COL24A1: variants seen among roughly 807,000 people sequenced by gnomAD.
COL24A1 encodes collagen alpha-1(XXIV) chain.
COL24A1 carries 224 observed loss-of-function variants against 253.9 expected under a neutral mutation model. The ratio of observed to expected loss-of-function variants is 0.88; its 90% CI spans 0.79 to 0.99. COL24A1 has a LOEUF of 0.99. Ranked by LOEUF, COL24A1 falls within the 50% of genes least tolerant of loss-of-function variation. The pLI, the probability that COL24A1 is intolerant of heterozygous loss-of-function variation, is 0.00. For missense variants in COL24A1, 2,131 were observed against 2,068.5 expected (o/e 1.03, Z -0.59); for synonymous variants, 685 against 673.7 (o/e 1.02, Z -0.26).
chr1:85,785,088 G>A (rs1339584694), intron 48 of COL24A1, among the ~76,000 whole-genome samples: 1 of 152,094 alleles, frequency 6.6e-6, no homozygotes, highest in Non-Finnish European at 1.5e-5. Context: ...ATCCAGAGAT[G>A]ATTCAGCTAT....
intron 47 of COL24A1, among the ~76,000 whole-genome samples, chr1:85,805,137 T>G (rs1433836140): frequency 1.3e-5 from 2 of 152,196 alleles, no homozygotes; most frequent in Non-Finnish European, 2.9e-5. Context: ...CCACTGCACC[T>G]GGGTGGCAAA....
chr1:85,997,752 G>A (rs1694980556), intron 19 of COL24A1, among the ~76,000 whole-genome samples: 1 of 140,390 alleles, frequency 7.1e-6, no homozygotes, highest in East Asian at 2.2e-4. Flanking sequence ...CTGCACTCCA[G>A]CCTGGCTACA....
chr1:86,126,811 T>A lies in COL24A1; in HGVS notation c.122-597A>T, dbSNP rs116872627. ...TTGTTTTCCATTTTACTGATTCTTA[T>A]TTGTCACTTCAATGAATATACATGT... On this transcript the variant is annotated intron_variant, in intron 2 of 59. Coordinates refer to ENST00000370571, the MANE Select transcript of COL24A1 (RefSeq NM_152890.7). Among the ~76,000 whole-genome samples, 1,373 of 152,242 alleles carry A rather than the reference T, an allele frequency of 9.0e-3. 23 individuals carry two copies. Among genetic ancestry groups the A allele is most frequent in the East Asian group, 0.074 (382 of 5,174 alleles).
chr1:85,817,089 A>T (rs1399126025), intron 46 of COL24A1, among the ~76,000 whole-genome samples, 194 bp from the exon 47 acceptor site: 1 of 152,176 alleles, frequency 6.6e-6, no homozygotes, highest in Non-Finnish European at 1.5e-5. Context: ...AAAAGCCTTT[A>T]AAAGTTCCCC....
At chr1:86,018,145 T>A (rs933572701) in intron 18 of COL24A1, among the ~76,000 whole-genome samples, 1 of 152,218 alleles carries the variant, frequency 6.6e-6, no homozygotes, top group Non-Finnish European at 1.5e-5. Context: ...ATATTAAGTT[T>A]CTATATGAGC....
intron 46 of COL24A1, among the ~76,000 whole-genome samples, chr1:85,817,404 G>C (rs919493780): frequency 2.6e-5 from 4 of 151,800 alleles, no homozygotes; most frequent in African/African-American, 9.7e-5. Flanking sequence ...CATATGCAAG[G>C]ATCTCTGATC....
chr1:86,124,750 T>C (rs1315084290), intron 3 of COL24A1, 95 bp downstream of exon 3: 1 of 911,980 alleles, frequency 1.1e-6, no homozygotes, highest in African/African-American at 1.7e-5. Context: ...TGTTATGTAT[T>C]GTTTGGTCCA....
At chr1:86,140,983 G>A (rs1056782211) in intron 2 of COL24A1, among the ~76,000 whole-genome samples, 3 of 152,136 alleles carry the variant, frequency 2.0e-5, no homozygotes, top group African/African-American at 7.2e-5. Context: ...TACTGAAACC[G>A]TGACAAATCA....
intron 3 of COL24A1, among the ~76,000 whole-genome samples, chr1:86,120,916 C>G (rs61802242): frequency 0.15 from 22,948 of 151,948 alleles, 1,896 homozygotes; most frequent in South Asian, 0.25. Flanking sequence ...TGATAGACTG[C>G]ATTAAGAAAA....
At chr1:86,056,577 C>T (rs573259717) in intron 10 of COL24A1, among the ~76,000 whole-genome samples, 137 of 152,086 alleles carry the variant, frequency 9.0e-4, no homozygotes, top group African/African-American at 3.2e-3. Context: ...CATGTTAGGC[C>T]GGGCCTGGTG....
At chr1:85,999,534 G>A (rs543588102) in intron 19 of COL24A1, among the ~76,000 whole-genome samples, 1 of 152,056 alleles carries the variant, frequency 6.6e-6, no homozygotes, top group South Asian at 2.1e-4. Context: ...GAGGTGGGAG[G>A]ACTGCTTGAG....
intron 22 of COL24A1, among the ~76,000 whole-genome samples, chr1:85,968,160 A>G (rs1378396252): frequency 1.3e-5 from 2 of 152,126 alleles, no homozygotes; most frequent in Admixed American, 1.3e-4. Flanking sequence ...GCTTGCAGAC[A>G]GCCTATTGTG....
At chr1:85,868,693 G>A (rs889186314) in intron 36 of COL24A1, 67 bp from the exon 37 acceptor site, 4 of 1,492,416 alleles carry the variant, frequency 2.7e-6, no homozygotes, top group Non-Finnish European at 3.7e-6. Context: ...TAATAAACAG[G>A]TTTTTGTCAC....
At chr1:86,109,147 A>T (rs1705295040) in intron 5 of COL24A1, among the ~76,000 whole-genome samples, 2 of 152,212 alleles carry the variant, frequency 1.3e-5, no homozygotes, top group Admixed American at 1.3e-4. Context: ...CTAATTATAA[A>T]GTCCCCAAAT....
At chr1:86,047,655 TATAA>T (rs1490322137) in intron 11 of COL24A1, among the ~76,000 whole-genome samples, 20 of 152,136 alleles carry the variant, frequency 1.3e-4, no homozygotes, top group South Asian at 6.2e-4. Flanking sequence ...TATATACATA[TATAA>T]ATAAAGAAGT....
chr1:85,856,540 A>C (rs1444618359), intron 37 of COL24A1, among the ~76,000 whole-genome samples: 2 of 152,020 alleles, frequency 1.3e-5, no homozygotes, highest in African/African-American at 2.4e-5. Flanking sequence ...TAATTATATC[A>C]CCTGTTCTCA....
intron 5 of COL24A1, among the ~76,000 whole-genome samples, chr1:86,111,532 G>GATCAGCGCTCTGTGAAACAGACCA (rs1553137737): frequency 6.6e-6 from 1 of 151,988 alleles, no homozygotes; most frequent in African/African-American, 2.4e-5. Context: ...AAAACAGAGC[G>GATCAGCGCTCTGTGAAACAGACCA]ATCAGCTCTC....
chr1:85,945,019 T>TTTTTTTGTTTTTTTTTG, intron 24 of COL24A1, among the ~76,000 whole-genome samples: 1 of 73,362 alleles, frequency 1.4e-5, no homozygotes, highest in Non-Finnish European at 2.7e-5. Flanking sequence ...TTTTTTTTTT[T>TTTTTTTGTTTTTTTTTG]TTTTTTTTTT....
chr1:85,746,134 T>A (rs1665186589), intron 55 of COL24A1, among the ~76,000 whole-genome samples: 1 of 152,102 alleles, frequency 6.6e-6, no homozygotes, highest in Non-Finnish European at 1.5e-5. Flanking sequence ...AAAAAAATTA[T>A]CTTAGAACAA....
Sources: gnomAD v4.1 joint callset for allele counts (sites outside exome capture counted in the v4.1 genomes callset) on GRCh38, gnomAD v4.1.1 for gene constraint, MANE v1.5 for transcripts, NCBI Gene and HGNC (gene_info 2026-07-23, HGNC 2026-07-21) for gene names.